Variants in LAMA2 observed in about 807,000 individuals in gnomAD.
LAMA2 encodes laminin subunit alpha-2.
LAMA2 carries 269 observed loss-of-function variants against 364.8 expected under a neutral mutation model. The ratio of observed to expected loss-of-function variants is 0.74; its 90% CI spans 0.67 to 0.82. LAMA2 has a LOEUF of 0.82. Among genes scored for constraint, LAMA2 ranks in the 40% least tolerant of loss-of-function variants. The pLI is 0.00. For synonymous variants in LAMA2, 1,379 were observed against 1,370.6 expected (o/e 1.01, Z -0.14); for missense variants, 3,807 against 3,873.2 (o/e 0.98, Z 0.45).
intron 12 of LAMA2, among the ~76,000 whole-genome samples, chr6:129,239,089 C>A (rs1785218303): frequency 6.6e-6 from 1 of 152,198 alleles, no homozygotes; most frequent in Non-Finnish European, 1.5e-5. Context: ...TAACTGCTAA[C>A]TTGTTTACAT....
At chr6:128,912,979 G>C (rs987472477) in intron 1 of LAMA2, among the ~76,000 whole-genome samples, 6 of 151,036 alleles carry the variant, frequency 4.0e-5, no homozygotes, top group African/African-American at 1.5e-4. Context: ...AGTTAAAACA[G>C]GGTTGACAAA....
At chr6:129,176,868 C>T (rs1252884135) in intron 9 of LAMA2, among the ~76,000 whole-genome samples, 1 of 152,132 alleles carries the variant, frequency 6.6e-6, no homozygotes, top group Non-Finnish European at 1.5e-5. Context: ...AGTAAGACTG[C>T]TTAACTCATT....
intron 1 of LAMA2, among the ~76,000 whole-genome samples, chr6:129,005,862 C>T (rs746512754): frequency 4.0e-5 from 6 of 150,788 alleles, no homozygotes; most frequent in Admixed American, 1.3e-4. Context: ...TATATATAAA[C>T]GCTTGGCCAT....
chr6:129,037,616 G>T (rs1013226685), intron 1 of LAMA2, among the ~76,000 whole-genome samples: 2 of 151,722 alleles, frequency 1.3e-5, no homozygotes, highest in Non-Finnish European at 1.5e-5. Context: ...ATAATAATAT[G>T]CCAAGTACGG....
chr6:129,491,791 C>T, intron 56 of LAMA2, 110 bp from the exon 57 acceptor site: 1 of 885,054 alleles, frequency 1.1e-6, no homozygotes, highest in Non-Finnish European at 1.8e-6. Flanking sequence ...AATTTTGGCT[C>T]CCTTAAAAGC....
chr6:128,994,518 T>C (rs937335802), intron 1 of LAMA2, among the ~76,000 whole-genome samples: 1 of 152,226 alleles, frequency 6.6e-6, no homozygotes, highest in African/African-American at 2.4e-5. Flanking sequence ...CCTCATTAGA[T>C]TGAACCTGTA....
intron 3 of LAMA2, among the ~76,000 whole-genome samples, chr6:129,095,926 A>C (rs572346190): frequency 1.3e-5 from 2 of 151,116 alleles, no homozygotes; most frequent in Admixed American, 1.3e-4. Flanking sequence ...CAGTCTGGAA[A>C]AAAAAAAAAA....
chr6:129,016,642 A>T (rs1196765196), intron 1 of LAMA2, among the ~76,000 whole-genome samples: 1 of 151,966 alleles, frequency 6.6e-6, no homozygotes, highest in Non-Finnish European at 1.5e-5. Context: ...TTCAACTTTC[A>T]TGCTAGATAG....
At chr6:129,392,912 A>G in intron 36 of LAMA2, 133 bp from the exon 37 acceptor site, 1 of 692,024 alleles carries the variant, frequency 1.4e-6, no homozygotes, top group Non-Finnish European at 2.4e-6. Context: ...CACACAGTGA[A>G]TCTATTTTAC....
In LAMA2 at chr6:129,315,534, C is replaced by G; in HGVS notation, c.3614C>G (p.Thr1205Arg). 1.2e-6 allele frequency: 2 copies of G among 1,614,136 alleles called. No homozygotes were observed. Among genetic ancestry groups the G allele is most frequent in the Non-Finnish European group, 8.5e-7 (1 of 1,179,988 alleles). The change falls in exon 25 of 65, where the codon ACG becomes AGG. Residue 1205 changes from threonine to arginine, a missense_variant. This residue lies in a region of LAMA2 where 3,333 missense variants were observed against 3,345.7 expected (regional missense o/e 1.00). Transcript: ENST00000421865. ...CTGGTAGATGAGGCTCTGCAGCACA[C>G]GACCACCAAGGGCATTGTTTTTCAA... Reference protein sequence around the residue: ...LPLVDEALQHTTTKGIVFQHP... With the variant: ...LPLVDEALQHRTTKGIVFQHP...
chr6:129,017,146 C>A (rs1011330268), intron 1 of LAMA2, among the ~76,000 whole-genome samples: 1 of 152,076 alleles, frequency 6.6e-6, no homozygotes, highest in Admixed American at 6.5e-5. Context: ...CTTTTCTGAA[C>A]AATCTTCCAA....
chr6:128,898,531 C>T lies in LAMA2; in HGVS notation c.112+15174C>T, dbSNP rs115551237. On this transcript the variant is annotated intron_variant, in intron 1 of 64. Transcript: ENST00000421865. ...GTCATCCACACCACCAGAGTTTATTCCATAAATATCCACATCTTTTTGTCC... is the reference window on the plus strand; with the variant it reads ...GTCATCCACACCACCAGAGTTTATTTCATAAATATCCACATCTTTTTGTCC... 5.8e-3 allele frequency among the ~76,000 whole-genome samples: 881 copies of T among 152,320 alleles called. 7 individuals are homozygous for T. The highest frequency in any genetic ancestry group is 0.02 in the African/African-American group (843 of 41,572).
At chr6:129,097,914 A>G (rs1775282227) in intron 3 of LAMA2, among the ~76,000 whole-genome samples, 1 of 152,182 alleles carries the variant, frequency 6.6e-6, no homozygotes, top group Non-Finnish European at 1.5e-5. Context: ...CATCAGGTGA[A>G]ATGTTGCCAA....
chr6:129,504,672 C>A (rs189737704), intron 60 of LAMA2, among the ~76,000 whole-genome samples: 151 of 152,310 alleles, frequency 9.9e-4, no homozygotes, highest in African/African-American at 3.4e-3. Context: ...CTTACTCCCC[C>A]ACTTTGTACT....
Position 129,252,129 on chromosome 6 carries a change from C to G in LAMA2, c.1930C>G (p.His644Asp), listed in dbSNP as rs35879899. ...ISTAQDEVYLHPSEEHTNVLL... is the reference protein window; with the variant it reads ...ISTAQDEVYLDPSEEHTNVLL... ...CACAGCCCAAGATGAGGTGTACCTG[C>G]ACCCATCTGAAGAACATACTAATGT... The change falls in exon 14 of 65, where the codon CAC becomes GAC. Residue 644 changes from histidine (H) to aspartate (D), a missense_variant. By Grantham distance (81) the His-to-Asp change is moderately conservative. Around this residue, in one of 3 missense-constraint regions of LAMA2, gnomAD observed 3,333 missense variants for 3,345.7 expected, o/e 1.00. Transcript: ENST00000421865. The G allele has an allele frequency of 1.5e-3, 2,436 of 1,613,452 alleles. 38 individuals are homozygous for G. The African/African-American group carries it at 0.03, about 20-fold the overall frequency.
chr6:129,153,935 A>G (rs1583147649), intron 7 of LAMA2, among the ~76,000 whole-genome samples: 1 of 152,178 alleles, frequency 6.6e-6, no homozygotes, highest in Non-Finnish European at 1.5e-5. Flanking sequence ...TGTAAGTTGA[A>G]CCATATAAAA....
At chr6:128,993,031 TA>T (rs1195445175) in intron 1 of LAMA2, among the ~76,000 whole-genome samples, 2 of 152,216 alleles carry the variant, frequency 1.3e-5, no homozygotes, top group Non-Finnish European at 2.9e-5. Flanking sequence ...TCACTGGTGC[TA>T]TTTAATTTCT....
chr6:129,127,377 T>G (rs181986133), intron 4 of LAMA2, among the ~76,000 whole-genome samples: 330 of 152,344 alleles, frequency 2.2e-3, no homozygotes, highest in Non-Finnish European at 3.7e-3. Flanking sequence ...TAAAGCTAAA[T>G]AGTATTTCAT....
chr6:129,253,748 C>T (rs954516170), intron 14 of LAMA2, among the ~76,000 whole-genome samples: 5 of 152,200 alleles, frequency 3.3e-5, no homozygotes, highest in African/African-American at 1.2e-4. Flanking sequence ...AATACAAAGA[C>T]ATTTCCCCCT....
Sources: allele counts gnomAD v4.1 joint callset (sites outside exome capture counted in the v4.1 genomes callset), GRCh38; gene constraint gnomAD v4.1.1; regional missense constraint gnomAD v4.1.1; transcripts MANE v1.5; gene names NCBI Gene and HGNC (gene_info 2026-07-23, HGNC 2026-07-21).